Variants in TARBP1 observed in about 807,000 individuals in gnomAD.
TARBP1 encodes the protein tRNA (guanosine(18)-2'-O)-methyltransferase TARBP1.
A neutral mutation model predicts 178.6 loss-of-function variants in TARBP1; 144 were observed. The ratio of observed to expected loss-of-function variants is 0.81; its 90% confidence interval spans 0.70 to 0.93. The LOEUF (loss-of-function observed/expected upper bound fraction) is 0.93, where lower values mean the gene tolerates loss of function less well. Ranked by LOEUF, TARBP1 falls within the 40% of genes least tolerant of loss-of-function variation. The pLI is 0.00. For missense variants in TARBP1, 2,067 were observed against 2,011.7 expected (o/e 1.03, Z -0.53); for synonymous variants, 787 against 781.0 (o/e 1.01, Z -0.13).
chr1:234,393,264 T>A (rs1238301050), intron 28 of TARBP1, 98 bp downstream of exon 28: 6 of 1,262,274 alleles, frequency 4.8e-6, no homozygotes, highest in Non-Finnish European at 6.1e-6. Flanking sequence ...AAAATATTTT[T>A]ACAAATACAA....
At chr1:234,406,659 T>A (rs1315925417) in intron 23 of TARBP1, 1 of 152,312 alleles carries the variant, frequency 6.6e-6, no homozygotes. Flanking sequence ...GGGAAAATAA[T>A]AAAACTGTTT....
chr1:234,457,383 T>C (rs1299864939), intron 9 of TARBP1, among the ~76,000 whole-genome samples: 1 of 152,206 alleles, frequency 6.6e-6, no homozygotes, highest in African/African-American at 2.4e-5. Context: ...ATCGCCATTA[T>C]TCCTAATGCA....
chr1:234,460,916 T>C (rs957646677), intron 6 of TARBP1, among the ~76,000 whole-genome samples: 5 of 152,192 alleles, frequency 3.3e-5, no homozygotes, highest in Non-Finnish European at 7.4e-5. Context: ...AATACTATGC[T>C]AGTGAAAGAA....
In TARBP1 at chr1:234,478,442, A is replaced by G. The variant is rs12082990; in HGVS notation, c.662T>C (p.Leu221Pro). ...WGGLAAPGAS[L>P]GSGRVEEKLL... Reference sequence around the variant, plus strand: ...CTTCTCCTCTACGCGGCCGGACCCCAGGGACGCCCCAGGCGCGGCCAGCCC... The same window carrying G: ...CTTCTCCTCTACGCGGCCGGACCCCGGGGACGCCCCAGGCGCGGCCAGCCC... The change falls in exon 1 of 30, where the codon CTG becomes CCG. Residue 221 changes from leucine (L) to proline (P), a missense_variant. Transcript: ENST00000040877. 3.2e-3 allele frequency: 4,493 copies of G among 1,389,002 alleles called. 139 individuals carry two copies. The African/African-American group carries it at 0.061, about 19-fold the overall frequency. The allele number at this position is 1,389,002 out of a possible 1,614,324, so 86.0% of individuals were successfully genotyped here.
In TARBP1 at chr1:234,438,594, G is replaced by A. The variant is rs116789741; in HGVS notation, c.2135-1222C>T. 4.8e-3 allele frequency among the ~76,000 whole-genome samples: 725 copies of A among 152,238 alleles called. 5 individuals carry two copies. The highest frequency in any genetic ancestry group is 0.017 in the African/African-American group (696 of 41,552). On this transcript the variant is annotated intron_variant, in intron 12 of 29. Coordinates refer to ENST00000040877, the MANE Select transcript of TARBP1 (RefSeq NM_005646.4). The stretch of plus-strand genomic sequence containing the variant: ...AACAAAAATATGACATCTGAACAAC[G>A]GAGAGAAAACTGGTTGAAAAAATAA...
chr1:234,413,456 A>G (rs1371806179), intron 22 of TARBP1, among the ~76,000 whole-genome samples: 1 of 150,950 alleles, frequency 6.6e-6, no homozygotes, highest in Non-Finnish European at 1.5e-5. Flanking sequence ...CTTGGGCGAC[A>G]AGAACGAAAC....
chr1:234,457,586 A>G (rs1667413684), intron 9 of TARBP1, 81 bp downstream of exon 9: 1 of 868,144 alleles, frequency 1.2e-6, no homozygotes, highest in Non-Finnish European at 1.7e-6. Flanking sequence ...TATATTTTAT[A>G]TAAATGGCTA....
At chr1:234,398,306 T>G (rs1660342926) in intron 26 of TARBP1, 76 bp downstream of exon 26, 2 of 1,259,630 alleles carry the variant, frequency 1.6e-6, no homozygotes, top group Non-Finnish European at 2.1e-6. Context: ...ATTAACTACC[T>G]GTCCTTAGTA....
chr1:234,406,187 T>C (rs1329027615), intron 23 of TARBP1, 88 bp from the exon 24 acceptor site: 15 of 1,209,404 alleles, frequency 1.2e-5, no homozygotes, highest in Admixed American at 2.2e-5. Flanking sequence ...ACACGAATGA[T>C]ACAACTGCTC....
In TARBP1 at chr1:234,439,652, C is replaced by T. The variant is rs12064736; in HGVS notation, c.2135-2280G>A. ...ACTAACATGGCCAACATGGTGAAAC[C>T]TCATTTCTACTAAAAATACAAAAAT... On this transcript the variant is annotated intron_variant, in intron 12 of 29. Transcript: ENST00000040877. 9.7e-3 allele frequency among the ~76,000 whole-genome samples: 1,474 copies of T among 152,266 alleles called. 25 individuals carry two copies. The highest frequency in any genetic ancestry group is 0.033 in the African/African-American group (1,358 of 41,546).
chr1:234,413,903 C>A (rs577839616), intron 22 of TARBP1, among the ~76,000 whole-genome samples: 1 of 152,238 alleles, frequency 6.6e-6, no homozygotes, highest in East Asian at 1.9e-4. Context: ...ACGAATCAGA[C>A]ACAGAGCATG....
Position 234,393,897 on chromosome 1 carries a change from T to G in TARBP1, c.4244-60A>C, listed in dbSNP as rs1659661421. Reference sequence around the variant, plus strand: ...ATAAATCTGAATCTCTATATATTTATGTATACATGTATATGTATTTTTAAG... The same window carrying G: ...ATAAATCTGAATCTCTATATATTTAGGTATACATGTATATGTATTTTTAAG... On this transcript the variant is annotated intron_variant, in intron 26 of 29. Coordinates refer to ENST00000040877, the MANE Select transcript of TARBP1 (RefSeq NM_005646.4). 2.6e-6 allele frequency: 3 copies of G among 1,173,458 alleles called. No individual in the cohort carries two copies. In the East Asian group the frequency reaches 7.7e-5, roughly 30 times the overall value. The allele number at this position is 1,173,458 out of a possible 1,614,324, so 72.7% of individuals were successfully genotyped here. A position where few individuals can be genotyped will look rare whatever the true frequency, so the allele number is the denominator to read the frequency against.
At chr1:234,450,665 A>T (rs1172982759) in intron 9 of TARBP1, 99 bp from the exon 10 acceptor site, 2 of 1,307,316 alleles carry the variant, frequency 1.5e-6, no homozygotes, top group Non-Finnish European at 2.1e-6. Context: ...CGATAAACCA[A>T]ATTTAAATAA....
chr1:234,472,877 G>A, intron 1 of TARBP1, 66 bp from the exon 2 acceptor site: 1 of 1,209,052 alleles, frequency 8.3e-7, no homozygotes, highest in Non-Finnish European at 1.2e-6. Flanking sequence ...CTCAATGACA[G>A]CAGTTCTTAA....
chr1:234,475,971 G>A (rs1669532576), intron 1 of TARBP1, among the ~76,000 whole-genome samples: 1 of 150,474 alleles, frequency 6.6e-6, no homozygotes, highest in Non-Finnish European at 1.5e-5. Context: ...AAGTAACGGT[G>A]CCTATCCCAG....
chr1:234,433,841 AG>A (rs1664727289), intron 13 of TARBP1, among the ~76,000 whole-genome samples: 1 of 152,238 alleles, frequency 6.6e-6, no homozygotes, highest in Non-Finnish European at 1.5e-5. Flanking sequence ...GGGAGACCTT[AG>A]ATGGCAGAAA....
At chr1:234,395,130 A>G (rs1659792688) in intron 26 of TARBP1, among the ~76,000 whole-genome samples, 1 of 152,190 alleles carries the variant, frequency 6.6e-6, no homozygotes, top group African/African-American at 2.4e-5. Flanking sequence ...AGGCTGAGGC[A>G]CGAGAATCGC....
intron 3 of TARBP1, among the ~76,000 whole-genome samples, chr1:234,467,971 G>A (rs1668621593): frequency 6.6e-6 from 1 of 152,014 alleles, no homozygotes; most frequent in Non-Finnish European, 1.5e-5. Context: ...TAGAAACATG[G>A]TCTCAGAATG....
chr1:234,392,085 T>C (rs542576065), intron 29 of TARBP1, among the ~76,000 whole-genome samples: 7 of 152,312 alleles, frequency 4.6e-5, no homozygotes, highest in Admixed American at 4.6e-4. Context: ...TAACATCTTC[T>C]AGCCAGGCAC....
Sources: allele counts gnomAD v4.1 joint callset (sites outside exome capture counted in the v4.1 genomes callset), GRCh38; gene constraint gnomAD v4.1.1; transcripts MANE v1.5; gene names NCBI Gene and HGNC (gene_info 2026-07-23, HGNC 2026-07-21).